CCDC102B: variants seen among roughly 807,000 people sequenced by gnomAD.
CCDC102B encodes coiled-coil domain containing 102B.
Under a neutral mutation model 57.4 loss-of-function variants are expected in CCDC102B, and 75 were observed. The observed-to-expected ratio is 1.31, with a 90% confidence interval of 1.08 to 1.58. The LOEUF is 1.58. CCDC102B is among the 40% of genes most tolerant of loss of function. CCDC102B has a pLI of 0.00. For missense variants in CCDC102B, 636 were observed against 582.6 expected, an observed-to-expected ratio of 1.09 and a Z score of -0.94; for synonymous variants, 206 against 201.9, an observed-to-expected ratio of 1.02 and a Z score of -0.17.
chr18:68,972,025 C>T (rs1452305066), intron 6 of CCDC102B, among the ~76,000 whole-genome samples: 1 of 151,998 alleles, frequency 6.6e-6, no homozygotes, highest in Non-Finnish European at 1.5e-5. Context: ...AAGGCAAGAC[C>T]ACATGCTTGG....
At chr18:68,951,203 GAAAAGAAAATTAACAATGAGAGA>G (rs2049688372) in intron 6 of CCDC102B, among the ~76,000 whole-genome samples, 1 of 152,012 alleles carries the variant, frequency 6.6e-6, no homozygotes. Flanking sequence ...GGGAGTTCCA[GAAAAGAAAATTAACAATGAGAGA>G]AAAGCAAAAT....
At chr18:69,053,586 T>C (rs1371384670) in intron 7 of CCDC102B, among the ~76,000 whole-genome samples, 1 of 151,738 alleles carries the variant, frequency 6.6e-6, no homozygotes, top group Non-Finnish European at 1.5e-5. Flanking sequence ...CATGCACATA[T>C]ACAAAAGAAA....
intron 6 of CCDC102B, among the ~76,000 whole-genome samples, chr18:68,908,892 A>G (rs535704338): frequency 2.2e-4 from 34 of 152,236 alleles, no homozygotes; most frequent in African/African-American, 7.9e-4. Flanking sequence ...ATTATTCTCC[A>G]AAGTTTTAAC....
intron 2 of CCDC102B, among the ~76,000 whole-genome samples, chr18:68,761,428 T>C (rs1215413768): frequency 6.6e-6 from 1 of 152,000 alleles, no homozygotes; most frequent in Non-Finnish European, 1.5e-5. Context: ...TATATTCTGT[T>C]TACGTGGGTA....
At chr18:68,756,405 G>C (rs765988018) in intron 2 of CCDC102B, among the ~76,000 whole-genome samples, 66 of 152,154 alleles carry the variant, frequency 4.3e-4, no homozygotes, top group Admixed American at 9.2e-4. Flanking sequence ...ATAAGGAAGA[G>C]ATTCAATAAC....
chr18:68,817,635 A>C (rs1353552616), intron 1 of CCDC102B, among the ~76,000 whole-genome samples: 1 of 152,200 alleles, frequency 6.6e-6, no homozygotes, highest in Non-Finnish European at 1.5e-5. Context: ...TAGATTGAAC[A>C]TTTTTATAAA....
In CCDC102B at chr18:69,050,026, T is replaced by C. The variant is rs193251696; in HGVS notation, c.1435-4004T>C. 2.6e-4 allele frequency among the ~76,000 whole-genome samples: 39 copies of C among 151,202 alleles called. No individual in the cohort carries two copies. The East Asian group carries it at 6.1e-3, about 23-fold the overall frequency. The stretch of plus-strand genomic sequence containing the variant: ...GGTTTCACTATGTTGACTAGGCTAG[T>C]CTGGAACTCCTCACTCAAGTGATCC... On this transcript the variant is annotated intron_variant, in intron 7 of 7. Transcript: ENST00000360242.
intron 6 of CCDC102B, among the ~76,000 whole-genome samples, chr18:68,947,716 A>G (rs1192617729): frequency 1.3e-5 from 2 of 152,092 alleles, no homozygotes; most frequent in Non-Finnish European, 2.9e-5. Flanking sequence ...AGAGCTTGGC[A>G]TATTTTTTCA....
intron 1 of CCDC102B, among the ~76,000 whole-genome samples, chr18:68,818,566 A>G (rs550324446): frequency 2.0e-5 from 3 of 152,278 alleles, no homozygotes; most frequent in Non-Finnish European, 4.4e-5. Flanking sequence ...AAGGGTAAAC[A>G]CTATTCTGAG....
intron 1 of CCDC102B, among the ~76,000 whole-genome samples, chr18:68,826,342 T>C (rs2036901213): frequency 6.6e-6 from 1 of 152,064 alleles, no homozygotes; most frequent in African/African-American, 2.4e-5. Flanking sequence ...TTCTGGGAGC[T>C]GGTGGCCAGA....
At chr18:68,995,358 C>T (rs2050995121) in intron 6 of CCDC102B, among the ~76,000 whole-genome samples, 1 of 152,126 alleles carries the variant, frequency 6.6e-6, no homozygotes, top group Admixed American at 6.5e-5. Context: ...GAGAATGTCT[C>T]CAGGGCATGT....
At chr18:68,970,721 A>C (rs2050279827) in intron 6 of CCDC102B, among the ~76,000 whole-genome samples, 1 of 152,078 alleles carries the variant, frequency 6.6e-6, no homozygotes, top group African/African-American at 2.4e-5. Context: ...TTCTGAATGC[A>C]ATATGCTTTA....
At chr18:68,718,253 A>C (rs568718551) in intron 2 of CCDC102B, 18 of 152,250 alleles carry the variant, frequency 1.2e-4, no homozygotes, top group Non-Finnish European at 2.4e-4. Context: ...GTGAAAAGCT[A>C]AACAACTCGA....
At chr18:68,776,519 A>G (rs1390692407) in intron 2 of CCDC102B, among the ~76,000 whole-genome samples, 1 of 152,218 alleles carries the variant, frequency 6.6e-6, no homozygotes, top group Non-Finnish European at 1.5e-5. Flanking sequence ...TTGCAAAGAC[A>G]TGGATGCAGC....
At chr18:68,841,323 AC>A (rs1309870673) in intron 3 of CCDC102B, among the ~76,000 whole-genome samples, 1 of 152,120 alleles carries the variant, frequency 6.6e-6, no homozygotes, top group Non-Finnish European at 1.5e-5. Context: ...ATTGTCCTTG[AC>A]TAGAACCTCC....
chr18:68,993,558 A>T (rs1241568535), intron 6 of CCDC102B, among the ~76,000 whole-genome samples: 1 of 152,186 alleles, frequency 6.6e-6, no homozygotes, highest in African/African-American at 2.4e-5. Flanking sequence ...ATATTTCATT[A>T]CTTTATGCAA....
chr18:69,011,061 G>C lies in CCDC102B; in HGVS notation c.1391G>C (p.Arg464Pro). Residue 464 changes from arginine to proline, a missense_variant, in exon 7 of 8, where the codon CGA becomes CCA. Coordinates refer to ENST00000360242, the MANE Select transcript of CCDC102B (RefSeq NM_024781.3). The stretch of plus-strand genomic sequence containing the variant: ...GCAGAAGTAAAGAAACTAAGATTAC[G>C]AGTGGAAGAACTAAAGCAGGGACTC... ...NEAEVKKLRL[R>P]VEELKQGLNQ... 1.2e-6 allele frequency: 2 copies of C among 1,613,854 alleles called. No homozygotes were observed. The highest frequency in any genetic ancestry group is 1.7e-6 in the Non-Finnish European group (2 of 1,179,870).
intron 6 of CCDC102B, among the ~76,000 whole-genome samples, chr18:68,915,696 C>A (rs1006144350): frequency 2.0e-5 from 3 of 152,148 alleles, no homozygotes; most frequent in African/African-American, 7.2e-5. Flanking sequence ...GCCATTTTTG[C>A]ATCAGCCTAA....
intron 6 of CCDC102B, among the ~76,000 whole-genome samples, chr18:68,919,608 ATTC>A (rs893924673): frequency 3.0e-4 from 45 of 152,240 alleles, no homozygotes; most frequent in Middle Eastern, 3.4e-3. Context: ...GAGTCCTCTT[ATTC>A]TTCTAGCCAT....
Sources: gnomAD v4.1 joint callset for allele counts (sites outside exome capture counted in the v4.1 genomes callset) on GRCh38, gnomAD v4.1.1 for gene constraint, MANE v1.5 for transcripts, NCBI Gene and HGNC (gene_info 2026-07-23, HGNC 2026-07-21) for gene names.